Variants in TAS2R1 observed in about 807,000 individuals in gnomAD.
TAS2R1 encodes the protein taste 2 receptor member 1.
For synonymous variants in TAS2R1, 141 were observed against 134.2 expected, an observed-to-expected ratio of 1.05 and a Z score of -0.35; for missense variants, 370 against 353.4, an observed-to-expected ratio of 1.05 and a Z score of -0.38.
chr5:9,793,224 T>C, the TAS2R1 span, among the ~76,000 whole-genome samples: 2 of 152,048 alleles, frequency 1.3e-5, no homozygotes, highest in African/African-American at 4.8e-5. Flanking sequence ...GGGGAGGAAT[T>C]AGGAGGGGAA....
chr5:9,901,513 T>C, the TAS2R1 span, among the ~76,000 whole-genome samples: 1 of 152,100 alleles, frequency 6.6e-6, no homozygotes, highest in African/African-American at 2.4e-5. Context: ...GTAGTCTGAA[T>C]GTAGAAGCTC....
chr5:9,886,047 T>G, the TAS2R1 span, among the ~76,000 whole-genome samples: 1 of 151,492 alleles, frequency 6.6e-6, no homozygotes, highest in Admixed American at 6.6e-5. Context: ...TTTTTTTTTT[T>G]TGGAGACGGA....
At chr5:9,744,580 G>A in the TAS2R1 span, among the ~76,000 whole-genome samples, 1 of 151,968 alleles carries the variant, frequency 6.6e-6, no homozygotes, top group South Asian at 2.1e-4. Flanking sequence ...TATAGTAAGG[G>A]CCAGGTGAGT....
the TAS2R1 span, among the ~76,000 whole-genome samples, chr5:9,718,143 G>A: frequency 1.7e-5 from 2 of 115,030 alleles, no homozygotes; most frequent in East Asian, 2.4e-4. Context: ...TTTTTTTTTT[G>A]TATTTTTAGT....
chr5:9,881,198 T>C, the TAS2R1 span, among the ~76,000 whole-genome samples: 10 of 152,026 alleles, frequency 6.6e-5, no homozygotes, highest in South Asian at 2.1e-3. Flanking sequence ...AGCATTCCTA[T>C]ATACAAGCAG....
At chr5:9,783,958 C>G in the TAS2R1 span, among the ~76,000 whole-genome samples, 1 of 152,180 alleles carries the variant, frequency 6.6e-6, no homozygotes, top group Non-Finnish European at 1.5e-5. Flanking sequence ...CCAGCTGCAT[C>G]TCTTCCTGGC....
At chr5:9,864,453 C>T in the TAS2R1 span, among the ~76,000 whole-genome samples, 8 of 151,546 alleles carry the variant, frequency 5.3e-5, no homozygotes, top group South Asian at 1.7e-3. Context: ...CACGGTGAAA[C>T]ACCATCTCTC....
intron 1 of TAS2R1, among the ~76,000 whole-genome samples, chr5:9,701,660 A>C (rs1741486766): frequency 6.6e-6 from 1 of 152,238 alleles, no homozygotes; most frequent in Non-Finnish European, 1.5e-5. Context: ...ATCTATGTGT[A>C]TTGACTGCAA....
At chr5:9,697,731 A>T (rs1007830582) in intron 1 of TAS2R1, among the ~76,000 whole-genome samples, 5 of 152,214 alleles carry the variant, frequency 3.3e-5, no homozygotes, top group Non-Finnish European at 7.4e-5. Flanking sequence ...AAGTGCAATA[A>T]CAAATAGAAT....
chr5:9,730,278 C>G, the TAS2R1 span, among the ~76,000 whole-genome samples: 1 of 152,214 alleles, frequency 6.6e-6, no homozygotes, highest in Non-Finnish European at 1.5e-5. Flanking sequence ...AGTTTCTCCA[C>G]CATTGACATC....
chr5:9,880,691 G>C, the TAS2R1 span, among the ~76,000 whole-genome samples: 1 of 152,164 alleles, frequency 6.6e-6, no homozygotes, highest in African/African-American at 2.4e-5. Context: ...AGTGAGAATA[G>C]CCATGTAGAC....
At chr5:9,729,237 C>G in the TAS2R1 span, among the ~76,000 whole-genome samples, 1 of 152,178 alleles carries the variant, frequency 6.6e-6, no homozygotes. Context: ...TAAAGAAGGA[C>G]CTCATCTCTC....
At chr5:9,662,427 C>A (rs1740554928) in intron 1 of TAS2R1, among the ~76,000 whole-genome samples, 1 of 152,058 alleles carries the variant, frequency 6.6e-6, no homozygotes, top group African/African-American at 2.4e-5. Context: ...TTATCAGAAC[C>A]AAGGGGAAAA....
chr5:9,648,382 C>T (rs1468349385), intron 2 of TAS2R1, among the ~76,000 whole-genome samples: 1 of 151,912 alleles, frequency 6.6e-6, no homozygotes, highest in African/African-American at 2.4e-5. Context: ...GACAATATAA[C>T]AGATCTGCAT....
At chr5:9,732,158 C>G in the TAS2R1 span, among the ~76,000 whole-genome samples, 3 of 152,072 alleles carry the variant, frequency 2.0e-5, no homozygotes, top group African/African-American at 7.2e-5. Flanking sequence ...TGGGAAAGAA[C>G]GAGATTTGCC....
At chr5:9,656,989 A>G (rs1278786258) in intron 2 of TAS2R1, among the ~76,000 whole-genome samples, 1 of 152,184 alleles carries the variant, frequency 6.6e-6, no homozygotes, top group African/African-American at 2.4e-5. Context: ...GATATATAAT[A>G]TAGACTTGCA....
chr5:9,719,669 C>G, the TAS2R1 span, among the ~76,000 whole-genome samples: 1 of 150,512 alleles, frequency 6.6e-6, no homozygotes, highest in African/African-American at 2.5e-5. Flanking sequence ...TGGCTCACGC[C>G]TGTAATCCCA....
At chr5:9,643,327 C>G (rs1289538775) in intron 2 of TAS2R1, among the ~76,000 whole-genome samples, 1 of 152,124 alleles carries the variant, frequency 6.6e-6, no homozygotes, top group African/African-American at 2.4e-5. Flanking sequence ...ATGTTACTGT[C>G]CTGAATGCTG....
chr5:9,878,844 A>G, the TAS2R1 span, among the ~76,000 whole-genome samples: 1 of 152,230 alleles, frequency 6.6e-6, no homozygotes, highest in Non-Finnish European at 1.5e-5. Context: ...ATTTCCCAGA[A>G]TTCCCTTCCC....
Sources: gnomAD v4.1 joint callset for allele counts (sites outside exome capture counted in the v4.1 genomes callset) on GRCh38, gnomAD v4.1.1 for gene constraint, MANE v1.5 for transcripts, NCBI Gene and HGNC (gene_info 2026-07-23, HGNC 2026-07-21) for gene names.